Variants in DOCK3 observed in about 807,000 individuals in gnomAD.
DOCK3 encodes dedicator of cytokinesis 3, also known as dedicator of cytokinesis protein 3.
Under a neutral mutation model 265.6 loss-of-function variants are expected in DOCK3, and 60 were observed. That is an observed-to-expected ratio of 0.23 (90% CI 0.18 to 0.28). The LOEUF (loss-of-function observed/expected upper bound fraction) is 0.28, where lower values mean the gene tolerates loss of function less well. DOCK3 is among the 10% of genes least tolerant of loss of function. The pLI is 1.00. For synonymous variants in DOCK3, 881 were observed against 938.0 expected (o/e 0.94, Z 1.11); for missense variants, 1,981 against 2,594.3 (o/e 0.76, Z 5.14).
chr3:51,038,067 C>A (rs767416064), intron 5 of DOCK3, among the ~76,000 whole-genome samples: 1 of 152,174 alleles, frequency 6.6e-6, no homozygotes, highest in Non-Finnish European at 1.5e-5. Context: ...GCTGGCTAAG[C>A]TGTACTTTTA....
At chr3:51,180,489 G>T (rs1218184389) in intron 12 of DOCK3, among the ~76,000 whole-genome samples, 1 of 152,138 alleles carries the variant, frequency 6.6e-6, no homozygotes, top group Non-Finnish European at 1.5e-5. Context: ...ACTTCTGGCT[G>T]CCAACATGCC....
Position 51,382,123 on chromosome 3 carries a change from T to C in DOCK3, c.*564T>C, listed in dbSNP as rs1388040009. The C allele has an allele frequency of 1.3e-5, 2 of 152,774 alleles. No homozygotes were observed. The highest frequency in any genetic ancestry group is 2.9e-5 in the Non-Finnish European group (2 of 68,230). 9.5% of individuals were successfully genotyped at this position (152,774 alleles called of 1,614,324 possible). ...CCTGCCCCTCTTCCATCCAGGAGTG[T>C]GCTACTGAGGGGCTGGCTGGACCAA... On this transcript the variant is annotated 3_prime_UTR_variant, in exon 53 of 53. Transcript: ENST00000266037.
At chr3:50,852,357 T>TG (rs1375599312) in intron 3 of DOCK3, among the ~76,000 whole-genome samples, 1 of 152,218 alleles carries the variant, frequency 6.6e-6, no homozygotes, top group African/African-American at 2.4e-5. Context: ...TTTCAATATA[T>TG]GTAGCCTGCG....
At chr3:51,179,265 T>A (rs2107708050) in intron 12 of DOCK3, among the ~76,000 whole-genome samples, 1 of 152,360 alleles carries the variant, frequency 6.6e-6, no homozygotes, top group South Asian at 2.1e-4. Context: ...CTGATCCCAG[T>A]GCAGTTATTA....
chr3:51,148,365 T>C (rs2085401958), intron 10 of DOCK3, among the ~76,000 whole-genome samples: 1 of 152,224 alleles, frequency 6.6e-6, no homozygotes, highest in African/African-American at 2.4e-5. Context: ...CATTTGTCAA[T>C]TTTGGCTTTT....
chr3:50,934,109 T>C, intron 5 of DOCK3, 32 bp downstream of exon 5: 1 of 1,484,274 alleles, frequency 6.7e-7, no homozygotes, highest in Non-Finnish European at 9.3e-7. Context: ...TATTGGATCA[T>C]TAAAGTTTAG....
intron 3 of DOCK3, among the ~76,000 whole-genome samples, chr3:50,856,346 G>A (rs867166506): frequency 6.6e-6 from 1 of 151,922 alleles, no homozygotes; most frequent in South Asian, 2.1e-4. Flanking sequence ...GCCAGCATCT[G>A]TTGTTTTTTG....
chr3:50,897,517 T>C (rs937066248), intron 4 of DOCK3, among the ~76,000 whole-genome samples: 3 of 152,198 alleles, frequency 2.0e-5, no homozygotes, highest in African/African-American at 7.2e-5. Flanking sequence ...TCCAACACTA[T>C]GTTAAATAGG....
At position 50,942,943 on chromosome 3, in the gene DOCK3, TC is replaced by T. The variant is rs1214134690; in HGVS notation, c.315+8868del. On this transcript the variant is annotated intron_variant, in intron 5 of 52. Transcript: ENST00000266037. Reference sequence around the variant, plus strand: ...GTACAAGGAAATGAGTGGAAAATATTCCATTAATAATTTGTTATGTTGATTA... The same window carrying T: ...GTACAAGGAAATGAGTGGAAAATATTCATTAATAATTTGTTATGTTGATTA... Among the ~76,000 whole-genome samples, 8 of 152,110 alleles carry T rather than the reference TC, an allele frequency of 5.3e-5. No homozygotes were observed. The East Asian group carries it at 1.5e-3, about 29-fold the overall frequency.
chr3:50,777,071 A>T (rs540848396), intron 1 of DOCK3, among the ~76,000 whole-genome samples: 27 of 152,260 alleles, frequency 1.8e-4, no homozygotes, highest in African/African-American at 6.3e-4. Flanking sequence ...ATACCATGAG[A>T]GCAGTGTGGG....
At chr3:51,248,061 A>G (rs1393902938) in intron 22 of DOCK3, among the ~76,000 whole-genome samples, 2 of 152,214 alleles carry the variant, frequency 1.3e-5, no homozygotes, top group African/African-American at 2.4e-5. Flanking sequence ...GTTGCTTGAT[A>G]CCTACCATGC....
At chr3:50,863,192 A>G (rs554144532) in intron 3 of DOCK3, among the ~76,000 whole-genome samples, 4 of 152,228 alleles carry the variant, frequency 2.6e-5, no homozygotes, top group South Asian at 4.1e-4. Context: ...TCAAAGTCAC[A>G]GTGGATTGTA....
chr3:50,978,499 C>T (rs6776696), intron 5 of DOCK3, among the ~76,000 whole-genome samples: 4 of 152,292 alleles, frequency 2.6e-5, no homozygotes, highest in Admixed American at 6.5e-5. Context: ...GCAGTCTGCC[C>T]GTTCTCAGAT....
intron 49 of DOCK3, among the ~76,000 whole-genome samples, chr3:51,367,432 G>C (rs945562693): frequency 6.6e-6 from 1 of 152,166 alleles, no homozygotes; most frequent in Non-Finnish European, 1.5e-5. Flanking sequence ...GATGGGTCTT[G>C]ACTCTTTATC....
intron 5 of DOCK3, among the ~76,000 whole-genome samples, chr3:51,001,126 T>C (rs535517695): frequency 6.6e-6 from 1 of 152,378 alleles, no homozygotes; most frequent in South Asian, 2.1e-4. Context: ...TCTACTTGAT[T>C]GAGCTGCCAA....
At chr3:50,993,451 G>T (rs535086967) in intron 5 of DOCK3, among the ~76,000 whole-genome samples, 1 of 152,218 alleles carries the variant, frequency 6.6e-6, no homozygotes, top group South Asian at 2.1e-4. Context: ...AGCTCAGCCT[G>T]GAATGACTGG....
chr3:51,340,740 A>G (rs1218361841), intron 37 of DOCK3, among the ~76,000 whole-genome samples: 2 of 152,226 alleles, frequency 1.3e-5, no homozygotes, highest in Non-Finnish European at 2.9e-5. Context: ...GTTGTTTTAC[A>G]TAACCTTCTC....
intron 3 of DOCK3, among the ~76,000 whole-genome samples, chr3:50,847,334 G>A (rs1009175595): frequency 1.3e-5 from 2 of 152,152 alleles, no homozygotes; most frequent in Non-Finnish European, 1.5e-5. Flanking sequence ...TGACCTGAGA[G>A]TATAGTTGGT....
At chr3:50,893,147 G>A (rs957367154) in intron 4 of DOCK3, 12 of 180,980 alleles carry the variant, frequency 6.6e-5, no homozygotes, top group Admixed American at 2.6e-4. Flanking sequence ...CATAAAGACC[G>A]GGAGAAGTGG....
Sources: allele counts gnomAD v4.1 joint callset (sites outside exome capture counted in the v4.1 genomes callset), GRCh38; gene constraint gnomAD v4.1.1; transcripts MANE v1.5; gene names NCBI Gene and HGNC (gene_info 2026-07-23, HGNC 2026-07-21).